Variants in WWTR1 observed in about 807,000 individuals in gnomAD.
The protein encoded by WWTR1 is WW domain containing transcription regulator 1.
In WWTR1, 13 loss-of-function variants were observed where a neutral mutation model predicts 40.1. The observed-to-expected ratio is 0.32, with a 90% CI of 0.21 to 0.52. WWTR1 has a LOEUF of 0.52. Ranked by LOEUF, WWTR1 falls within the 20% of genes least tolerant of loss-of-function variation. The pLI is 0.97. For missense variants in WWTR1, 436 were observed against 523.1 expected (o/e 0.83, Z 1.63); for synonymous variants, 230 against 210.1 (o/e 1.09, Z -0.82).
chr3:149,521,739 C>T (rs576340858), intron 6 of WWTR1, among the ~76,000 whole-genome samples: 1 of 152,254 alleles, frequency 6.6e-6, no homozygotes, highest in African/African-American at 2.4e-5. Context: ...TGGGATATGA[C>T]ATGAAGAATA....
intron 2 of WWTR1, among the ~76,000 whole-genome samples, chr3:149,637,001 T>C (rs997112041): frequency 2.4e-4 from 35 of 147,198 alleles, no homozygotes; most frequent in Admixed American, 2.1e-3. Flanking sequence ...GAGAGAAGTA[T>C]TATGCAAGGC....
upstream of WWTR1, among the ~76,000 whole-genome samples, chr3:149,661,689 G>C (rs1576630059): frequency 6.6e-6 from 1 of 151,330 alleles, no homozygotes; most frequent in African/African-American, 2.4e-5. Context: ...CTCCCAAAGT[G>C]CTAGGATTAT....
At chr3:149,548,248 C>T (rs1467519364) in intron 3 of WWTR1, among the ~76,000 whole-genome samples, 2 of 152,278 alleles carry the variant, frequency 1.3e-5, no homozygotes, top group Non-Finnish European at 2.9e-5. Flanking sequence ...GGCTTCAATC[C>T]TGAACTTTTG....
At chr3:149,623,919 A>AAG (rs1740430700) in intron 2 of WWTR1, among the ~76,000 whole-genome samples, 1 of 152,128 alleles carries the variant, frequency 6.6e-6, no homozygotes, top group Admixed American at 6.5e-5. Flanking sequence ...TCTTGCATAT[A>AAG]TGCTTAGCTC....
chr3:149,651,836 T>C (rs540137489), intron 2 of WWTR1, among the ~76,000 whole-genome samples: 1 of 147,704 alleles, frequency 6.8e-6, no homozygotes, highest in African/African-American at 2.5e-5. Flanking sequence ...TTTCTTTTTT[T>C]TTTTTTTTTT....
At chr3:149,607,188 T>A (rs1312380179) in intron 2 of WWTR1, among the ~76,000 whole-genome samples, 1 of 152,238 alleles carries the variant, frequency 6.6e-6, no homozygotes, top group Non-Finnish European at 1.5e-5. Context: ...TTTTTAGTAT[T>A]CATTGAATAA....
chr3:149,722,676 A>T (rs961463636), intron 4 of WWTR1, among the ~76,000 whole-genome samples: 1 of 151,732 alleles, frequency 6.6e-6, no homozygotes, highest in African/African-American at 2.4e-5. Flanking sequence ...GATCTGCTTG[A>T]TGGTACCCTA....
At chr3:149,672,123 CA>C (rs146384349) in intron 1 of WWTR1, among the ~76,000 whole-genome samples, 8 of 151,656 alleles carry the variant, frequency 5.3e-5, no homozygotes, top group Admixed American at 2.0e-4. Flanking sequence ...TAAAAGGCTA[CA>C]AAAAAACAAA....
intron 1 of WWTR1, among the ~76,000 whole-genome samples, chr3:149,676,661 C>T (rs1714269333): frequency 1.3e-5 from 2 of 152,078 alleles, no homozygotes. Flanking sequence ...AAGTAATTTG[C>T]CCATGCGCAC....
intron 2 of WWTR1, 83 bp downstream of exon 2, chr3:149,656,783 TCTCTCTCTCA>T (rs1197433492): frequency 1.8e-5 from 16 of 893,014 alleles, no homozygotes; most frequent in South Asian, 7.1e-5. Context: ...TCTCTCTCTC[TCTCTCTCTCA>T]CACACACACA....
intron 5 of WWTR1, among the ~76,000 whole-genome samples, chr3:149,709,023 T>C (rs1421468194): frequency 6.6e-6 from 1 of 152,140 alleles, no homozygotes; most frequent in East Asian, 1.9e-4. Context: ...TTTATTTTTC[T>C]TGAGACACGG....
intron 1 of WWTR1, among the ~76,000 whole-genome samples, chr3:149,677,732 C>T (rs1277441496): frequency 2.0e-5 from 3 of 152,070 alleles, no homozygotes; most frequent in East Asian, 1.9e-4. Context: ...CCCAGTTACT[C>T]GGGAGGCTGA....
upstream of WWTR1, chr3:149,658,636 C>G (rs1188254421): frequency 6.6e-6 from 1 of 152,322 alleles, no homozygotes; most frequent in African/African-American, 2.4e-5. Context: ...CTGCCTGGCT[C>G]TCAATTGTCT....
At chr3:149,609,217 C>T (rs550837486) in intron 2 of WWTR1, among the ~76,000 whole-genome samples, 1 of 152,312 alleles carries the variant, frequency 6.6e-6, no homozygotes, top group South Asian at 2.1e-4. Context: ...GGGACAAGAA[C>T]ACTGGACTCC....
chr3:149,601,183 A>AT (rs1050099131), intron 2 of WWTR1, among the ~76,000 whole-genome samples: 9 of 152,150 alleles, frequency 5.9e-5, no homozygotes, highest in African/African-American at 2.2e-4. Context: ...ATATTTTATA[A>AT]TTTTTTATAG....
intron 6 of WWTR1, among the ~76,000 whole-genome samples, 194 bp from the exon 7 acceptor site, chr3:149,521,183 G>A (rs1485275345): frequency 6.6e-6 from 1 of 152,142 alleles, no homozygotes. Flanking sequence ...AATGGAAAAG[G>A]CCAAGGAGAT....
At chr3:149,680,901 C>T (rs979576939) in intron 1 of WWTR1, among the ~76,000 whole-genome samples, 3 of 152,154 alleles carry the variant, frequency 2.0e-5, no homozygotes, top group African/African-American at 7.2e-5. Flanking sequence ...ATATTGGTGG[C>T]TGTATTATAT....
chr3:149,543,589 A>AAAAAAAAAAAAAAAAC (rs1736231206), intron 3 of WWTR1, among the ~76,000 whole-genome samples: 1 of 149,036 alleles, frequency 6.7e-6, no homozygotes, highest in Non-Finnish European at 1.5e-5. Context: ...TCAAAAAAAA[A>AAAAAAAAAAAAAAAAC]AAAAAAAAAA....
At chr3:149,625,769 C>T (rs866684262) in intron 2 of WWTR1, among the ~76,000 whole-genome samples, 1 of 150,918 alleles carries the variant, frequency 6.6e-6, no homozygotes, top group Non-Finnish European at 1.5e-5. Context: ...CCAGCCTGGG[C>T]GACACAGCGA....
Sources: allele counts gnomAD v4.1 joint callset (sites outside exome capture counted in the v4.1 genomes callset), GRCh38; gene constraint gnomAD v4.1.1; transcripts MANE v1.5; gene names NCBI Gene and HGNC (gene_info 2026-07-23, HGNC 2026-07-21).